ADRA1B: variants seen among roughly 807,000 people sequenced by gnomAD.
ADRA1B encodes alpha-1B adrenergic receptor.
In ADRA1B, 17 loss-of-function variants were observed where a neutral mutation model predicts 17.9. That is an observed-to-expected ratio of 0.95 (90% CI 0.65 to 1.42). The LOEUF is 1.42. Among genes scored for constraint, ADRA1B ranks in the 40% most tolerant of loss-of-function variants. ADRA1B has a pLI of 0.00. For synonymous variants in ADRA1B, 366 were observed against 327.6 expected (o/e 1.12, Z -1.27); for missense variants, 681 against 722.1 (o/e 0.94, Z 0.65).
At chr5:159,947,728 T>A in intron 1 of ADRA1B, 7 of 985,442 alleles carry the variant, frequency 7.1e-6, no homozygotes, top group Non-Finnish European at 8.4e-6. Flanking sequence ...GTTGAATGCT[T>A]GCTGTAAATC....
rs539370312 is a variant in ADRA1B, at chr5:159,891,122, C to G, written c.-255-24997C>G. 9.9e-5 allele frequency among the ~76,000 whole-genome samples: 15 copies of G among 152,252 alleles called. No homozygotes were observed. In the East Asian group the frequency reaches 2.7e-3, roughly 27 times the overall value. On this transcript the variant is annotated intron_variant, in intron 1 of 2. Transcript: ENST00000641205. ...CCAGATGGTCTTCTGGCTCCTTCTTCTGAAGAAAAACAAATAAACAAATGC... is the reference window on the plus strand; with the variant it reads ...CCAGATGGTCTTCTGGCTCCTTCTTGTGAAGAAAAACAAATAAACAAATGC...
intron 1 of ADRA1B, among the ~76,000 whole-genome samples, chr5:159,909,588 T>C (rs1476786754): frequency 2.0e-5 from 3 of 152,264 alleles, no homozygotes; most frequent in East Asian, 3.8e-4. Flanking sequence ...CACATCCCTG[T>C]TCAATGTCAG....
chr5:159,929,210 C>T (rs964778619), intron 1 of ADRA1B: 1 of 151,998 alleles, frequency 6.6e-6, no homozygotes, highest in Non-Finnish European at 1.5e-5. Context: ...TAAAAAAAGT[C>T]CTTTAACATA....
chr5:159,896,372 C>G (rs12653875), intron 1 of ADRA1B, among the ~76,000 whole-genome samples: 15,491 of 152,216 alleles, frequency 0.1, 1,037 homozygotes, highest in African/African-American at 0.19. Flanking sequence ...AGCCCAAATG[C>G]AGCCATCTTC....
upstream of ADRA1B, among the ~76,000 whole-genome samples, chr5:159,915,058 G>C (rs11742180): frequency 6.6e-6 from 1 of 152,208 alleles, no homozygotes; most frequent in Non-Finnish European, 1.5e-5. Context: ...ATGGCTATCA[G>C]TAAGCGCTCA....
chr5:159,946,108 T>C (rs1755266971), intron 1 of ADRA1B, among the ~76,000 whole-genome samples: 1 of 152,114 alleles, frequency 6.6e-6, no homozygotes, highest in Non-Finnish European at 1.5e-5. Flanking sequence ...GGCTTAAGGG[T>C]AGAGACAGGG....
chr5:159,927,607 A>G (rs550172316), intron 1 of ADRA1B, among the ~76,000 whole-genome samples: 2 of 152,172 alleles, frequency 1.3e-5, no homozygotes, highest in African/African-American at 2.4e-5. Flanking sequence ...TAGGGTGACC[A>G]TATGTCCCAT....
chr5:159,890,109 C>T (rs545481490), intron 1 of ADRA1B, among the ~76,000 whole-genome samples: 4 of 152,254 alleles, frequency 2.6e-5, no homozygotes, highest in Admixed American at 6.5e-5. Context: ...CTTGAGGGTC[C>T]GGCTCCAAAC....
In ADRA1B at chr5:159,951,063, C is replaced by T. The variant is rs775002936; in HGVS notation, c.950-20816C>T. 5.2e-5 allele frequency: 37 copies of T among 715,522 alleles called. 1 individual carries two copies. Among genetic ancestry groups the T allele is most frequent in the Admixed American group, 2.1e-4 (12 of 57,094 alleles). The allele number at this position is 715,522 out of a possible 1,614,324, so 44.3% of individuals were successfully genotyped here. A position where few individuals can be genotyped will look rare whatever the true frequency, so the allele number is the denominator to read the frequency against. On this transcript the variant is annotated intron_variant, in intron 1 of 1. Coordinates refer to ENST00000306675, the MANE Select transcript of ADRA1B (RefSeq NM_000679.4). Reference sequence around the variant, plus strand: ...TTGGTGGTGCAGGAGGCATAGCTGACGATATTGAGTCTGTTGTCATACTTC... The same window carrying T: ...TTGGTGGTGCAGGAGGCATAGCTGATGATATTGAGTCTGTTGTCATACTTC...
At chr5:159,936,948 C>A (rs552904718) in intron 1 of ADRA1B, among the ~76,000 whole-genome samples, 1 of 152,290 alleles carries the variant, frequency 6.6e-6, no homozygotes, top group East Asian at 1.9e-4. Context: ...AGCGGGTCTT[C>A]AAGTGGGGTC....
At chr5:159,970,703 GCTC>G (rs908305587) in intron 1 of ADRA1B, among the ~76,000 whole-genome samples, 2 of 152,184 alleles carry the variant, frequency 1.3e-5, no homozygotes, top group African/African-American at 4.8e-5. Flanking sequence ...CATGAACAAA[GCTC>G]CTCGTGTCCC....
chr5:159,933,961 C>T (rs1353400985), intron 1 of ADRA1B, among the ~76,000 whole-genome samples: 4 of 152,142 alleles, frequency 2.6e-5, no homozygotes, highest in African/African-American at 9.7e-5. Context: ...TGAGGGAATG[C>T]AGTAGACAGC....
intron 1 of ADRA1B, among the ~76,000 whole-genome samples, chr5:159,878,338 A>C (rs1305618876): frequency 6.6e-5 from 10 of 152,218 alleles, no homozygotes; most frequent in East Asian, 1.9e-4. Flanking sequence ...CCTGCCCCAG[A>C]TGGGAACAAA....
the ADRA1B span, among the ~76,000 whole-genome samples, chr5:159,985,145 G>A: frequency 6.6e-6 from 1 of 151,976 alleles, no homozygotes; most frequent in African/African-American, 2.4e-5. Flanking sequence ...TCCTCTGCCT[G>A]TGCTCATTCC....
chr5:159,877,171 G>C (rs774667726), intron 1 of ADRA1B, among the ~76,000 whole-genome samples: 2 of 152,118 alleles, frequency 1.3e-5, no homozygotes, highest in Non-Finnish European at 2.9e-5. Context: ...CGCCTTCTCA[G>C]AGCCGTGCGC....
At chr5:159,908,389 G>C (rs1754189154) in intron 1 of ADRA1B, among the ~76,000 whole-genome samples, 1 of 152,228 alleles carries the variant, frequency 6.6e-6, no homozygotes, top group Non-Finnish European at 1.5e-5. Context: ...AGTGTTGAAA[G>C]TGGGGCCTGG....
chr5:159,911,386 G>A (rs1378650874), intron 1 of ADRA1B, among the ~76,000 whole-genome samples: 1 of 152,174 alleles, frequency 6.6e-6, no homozygotes, highest in Non-Finnish European at 1.5e-5. Context: ...CAGGCCTTTC[G>A]GATTCTCCGT....
At chr5:159,950,361 G>A (rs887938177) in intron 1 of ADRA1B, 1 of 583,752 alleles carries the variant, frequency 1.7e-6, no homozygotes, top group Non-Finnish European at 3.1e-6. Flanking sequence ...CCCTCTTCAG[G>A]GGGTCTGTAT....
intron 1 of ADRA1B, chr5:159,869,563 G>A (rs1362778065): frequency 6.6e-6 from 1 of 152,234 alleles, no homozygotes; most frequent in African/African-American, 2.4e-5. Context: ...TCTTAGAATA[G>A]TTGTAGAAGA....
Sources: allele counts gnomAD v4.1 joint callset (sites outside exome capture counted in the v4.1 genomes callset), GRCh38; gene constraint gnomAD v4.1.1; transcripts MANE v1.5; gene names NCBI Gene and HGNC (gene_info 2026-07-23, HGNC 2026-07-21).